MLIP: variants seen among roughly 807,000 people sequenced by gnomAD.
The protein encoded by MLIP is muscular LMNA interacting protein, also known as muscular LMNA-interacting protein.
MLIP carries 79 observed loss-of-function variants against 84.8 expected under a neutral mutation model. That is an observed-to-expected ratio of 0.93 (90% CI 0.78 to 1.12). The LOEUF (loss-of-function observed/expected upper bound fraction) is 1.12. Ranked by LOEUF, MLIP falls within the 50% of genes most tolerant of loss-of-function variation. MLIP has a pLI of 0.00. For missense variants in MLIP, 1,257 were observed against 1,160.6 expected (o/e 1.08, Z -1.21); for synonymous variants, 504 against 463.0 (o/e 1.09, Z -1.14).
intron 1 of MLIP, among the ~76,000 whole-genome samples, chr6:54,116,545 T>C (rs1179686450): frequency 6.6e-6 from 1 of 152,202 alleles, no homozygotes; most frequent in Non-Finnish European, 1.5e-5. Context: ...GAATGAATTA[T>C]GAAGAACAGA....
intron 11 of MLIP, chr6:54,217,484 T>C: frequency 1.0e-6 from 1 of 985,394 alleles, no homozygotes; most frequent in Non-Finnish European, 1.2e-6. Flanking sequence ...TGTCTGTCAG[T>C]TAAGCAGAGC....
intron 5 of MLIP, among the ~76,000 whole-genome samples, chr6:54,156,154 G>T (rs916164632): frequency 6.6e-6 from 1 of 151,998 alleles, no homozygotes; most frequent in Non-Finnish European, 1.5e-5. Context: ...GATAGAAAAA[G>T]AAGCTACTTT....
intron 10 of MLIP, among the ~76,000 whole-genome samples, chr6:54,199,695 G>T (rs938385786): frequency 1.3e-5 from 2 of 152,150 alleles, no homozygotes; most frequent in African/African-American, 2.4e-5. Flanking sequence ...TATAGGATGA[G>T]AAGTATGAAC....
At chr6:54,066,396 T>A (rs1766229310) in intron 1 of MLIP, among the ~76,000 whole-genome samples, 1 of 100,584 alleles carries the variant, frequency 9.9e-6, no homozygotes, top group African/African-American at 2.6e-5. Context: ...AAACAAAAAA[T>A]TTGACTAAAG....
upstream of MLIP, among the ~76,000 whole-genome samples, chr6:54,107,481 A>C (rs1019810704): frequency 2.0e-5 from 3 of 152,164 alleles, no homozygotes; most frequent in African/African-American, 7.2e-5. Flanking sequence ...CTCTGGAATC[A>C]CCCATTACCT....
At chr6:54,029,851 C>T (rs761627799) in intron 1 of MLIP, among the ~76,000 whole-genome samples, 7 of 151,960 alleles carry the variant, frequency 4.6e-5, no homozygotes, top group Admixed American at 1.3e-4. Flanking sequence ...TGCTGGGATG[C>T]GGTGGTAAGA....
chr6:54,101,639 A>C (rs146275219), intron 1 of MLIP, among the ~76,000 whole-genome samples: 2 of 152,272 alleles, frequency 1.3e-5, no homozygotes, highest in East Asian at 3.9e-4. Flanking sequence ...TGGAGCTCAC[A>C]TATTACCTTG....
At chr6:54,023,891 C>A (rs1221997865) in intron 1 of MLIP, among the ~76,000 whole-genome samples, 1 of 151,954 alleles carries the variant, frequency 6.6e-6, no homozygotes, top group African/African-American at 2.4e-5. Context: ...TTTTTAAATA[C>A]AGCAAAAGAG....
rs529108833 is a variant in MLIP at position 54,069,664 on chromosome 6, A to T, written c.63+50573A>T. Among the ~76,000 whole-genome samples the T allele has an allele frequency of 1.9e-3, 189 of 100,200 alleles. 27 individuals are homozygous for T. Among genetic ancestry groups the T allele is most frequent in the African/African-American group, 4.6e-3 (178 of 39,110 alleles). 65.7% of individuals were successfully genotyped at this position (100,200 alleles called of 152,430 possible). A position where few individuals can be genotyped will look rare whatever the true frequency, so the allele number is the denominator to read the frequency against. On this transcript the variant is annotated intron_variant, in intron 1 of 12. Transcript: ENST00000274897. ...ATTGTTTAGGAAATAATAGCAATAAAAAAAGGCAATATAGACAATTTTTTT... is the reference window on the plus strand; with the variant it reads ...ATTGTTTAGGAAATAATAGCAATAATAAAAGGCAATATAGACAATTTTTTT...
intron 10 of MLIP, among the ~76,000 whole-genome samples, chr6:54,197,449 A>G (rs1778378858): frequency 6.6e-6 from 1 of 152,092 alleles, no homozygotes; most frequent in Non-Finnish European, 1.5e-5. Context: ...AACATCTGGT[A>G]GAGGTGTGTT....
intron 11 of MLIP, among the ~76,000 whole-genome samples, chr6:54,227,010 G>A (rs1384940724): frequency 6.6e-6 from 1 of 152,132 alleles, no homozygotes; most frequent in Non-Finnish European, 1.5e-5. Context: ...TCCAGTGTTG[G>A]GGGAGGGACT....
chr6:54,116,729 TCCAAC>T (rs1261429276), intron 1 of MLIP, among the ~76,000 whole-genome samples: 2 of 152,188 alleles, frequency 1.3e-5, no homozygotes, highest in Non-Finnish European at 2.9e-5. Context: ...AAGGAATACT[TCCAAC>T]CTCATTCTAT....
intron 12 of MLIP, among the ~76,000 whole-genome samples, chr6:54,250,115 A>G (rs1782365482): frequency 6.6e-6 from 1 of 152,132 alleles, no homozygotes; most frequent in Non-Finnish European, 1.5e-5. Context: ...TAAAAAGCCC[A>G]GCATCACTGA....
At chr6:54,041,257 T>C (rs1582012913) in intron 1 of MLIP, among the ~76,000 whole-genome samples, 1 of 152,230 alleles carries the variant, frequency 6.6e-6, no homozygotes, top group South Asian at 2.1e-4. Flanking sequence ...GACTAATACT[T>C]TGTTTCTGTA....
At chr6:54,033,267 AT>A (rs1190645133) in intron 1 of MLIP, among the ~76,000 whole-genome samples, 3,044 of 140,918 alleles carry the variant, frequency 0.022, 74 homozygotes, top group African/African-American at 0.063. Context: ...GGAGGAACTA[AT>A]TTTTTTTTTT....
chr6:54,214,843 G>A (rs572033657), intron 11 of MLIP, among the ~76,000 whole-genome samples: 5 of 152,282 alleles, frequency 3.3e-5, no homozygotes, highest in East Asian at 1.9e-4. Flanking sequence ...TGTGGTCTCC[G>A]CAATGCTGAG....
chr6:54,021,216 T>C (rs1570911), intron 1 of MLIP, among the ~76,000 whole-genome samples: 84,678 of 152,038 alleles, frequency 0.56, 25,655 homozygotes, highest in Non-Finnish European at 0.69. Flanking sequence ...AGTTCACTAT[T>C]TTCTGAAATT....
intron 1 of MLIP, among the ~76,000 whole-genome samples, chr6:54,054,494 T>C (rs2150321625): frequency 6.6e-6 from 1 of 151,492 alleles, no homozygotes; most frequent in South Asian, 2.1e-4. Flanking sequence ...TATAGCATCC[T>C]GTAATGGAAT....
Position 54,137,503 on chromosome 6 carries a change from A to G in MLIP, c.1434A>G (p.Gln478=), listed in dbSNP as rs1433725473. The change falls in exon 4 of 14, where the codon CAA becomes CAG. Residue 478 remains glutamine, a synonymous_variant. Coordinates refer to ENST00000502396, the MANE Select transcript of MLIP (RefSeq NM_001281747.2). ...SCSLRAGSPD[Q]GELQVSELTQ... ...CCCTGAGAGCCGGGTCACCAGATCA[A>G]GGGGAACTCCAGGTTTCTGAATTGA... 3 of 1,536,106 alleles carry G rather than the reference A, an allele frequency of 2.0e-6. No homozygotes were observed. In the African/African-American group the frequency reaches 4.1e-5, roughly 21 times the overall value.
Sources: allele counts gnomAD v4.1 joint callset (sites outside exome capture counted in the v4.1 genomes callset), GRCh38; gene constraint gnomAD v4.1.1; transcripts MANE v1.5; gene names NCBI Gene and HGNC (gene_info 2026-07-23, HGNC 2026-07-21).